The following PLCB1 variants were observed in gnomAD, a reference collection of about 807,000 sequenced individuals.
The protein encoded by PLCB1 is phospholipase C beta 1.
In PLCB1, 46 loss-of-function variants were observed where a neutral mutation model predicts 161.8. The ratio of observed to expected loss-of-function variants is 0.28; its 90% CI spans 0.22 to 0.36. The LOEUF (loss-of-function observed/expected upper bound fraction) is 0.36. PLCB1 is among the 10% of genes least tolerant of loss of function. PLCB1 has a pLI of 1.00. For synonymous variants in PLCB1, 517 were observed against 503.7 expected (o/e 1.03, Z -0.35); for missense variants, 1,016 against 1,472.5 (o/e 0.69, Z 5.07).
intron 3 of PLCB1, among the ~76,000 whole-genome samples, chr20:8,476,766 TG>T (rs1388553367): frequency 1.3e-5 from 2 of 152,184 alleles, no homozygotes; most frequent in Non-Finnish European, 2.9e-5. Flanking sequence ...AGACGGGCCT[TG>T]GAATATCTTA....
At chr20:8,182,736 A>G (rs2051858161) in intron 2 of PLCB1, among the ~76,000 whole-genome samples, 1 of 151,846 alleles carries the variant, frequency 6.6e-6, no homozygotes, top group Non-Finnish European at 1.5e-5. Context: ...GCCCGCAACC[A>G]TGCCCGGCTA....
At chr20:8,198,510 A>G (rs775212989) in intron 2 of PLCB1, among the ~76,000 whole-genome samples, 1 of 152,132 alleles carries the variant, frequency 6.6e-6, no homozygotes, top group Non-Finnish European at 1.5e-5. Flanking sequence ...AATCTTACCT[A>G]GTATCTTCTT....
intron 9 of PLCB1, among the ~76,000 whole-genome samples, chr20:8,668,631 CA>C (rs1007439944): frequency 6.6e-5 from 10 of 152,054 alleles, no homozygotes; most frequent in Admixed American, 2.0e-4. Context: ...AAGCAGCTTA[CA>C]AAAAAATGTG....
rs570371392 is a variant in PLCB1 at position 8,635,240 on chromosome 20, C to A, written c.384+6809C>A. Among the ~76,000 whole-genome samples the A allele has an allele frequency of 2.0e-5, 3 of 149,194 alleles. 1 individual carries two copies. Among genetic ancestry groups the A allele is most frequent in the African/African-American group, 7.5e-5 (3 of 40,224 alleles). ...AGCTTAGTGCTTGGCTCAATAAATG[C>A]GAGAGGTGTGAGAGAGGAAAGGAAG... is the stretch of plus-strand genomic sequence containing the variant. On this transcript the variant is annotated intron_variant, in intron 4 of 31. Coordinates refer to ENST00000338037, the MANE Select transcript of PLCB1 (RefSeq NM_015192.4).
At chr20:8,502,095 A>G (rs1449096221) in intron 3 of PLCB1, among the ~76,000 whole-genome samples, 1 of 151,748 alleles carries the variant, frequency 6.6e-6, no homozygotes, top group Non-Finnish European at 1.5e-5. Context: ...TTTATTACTA[A>G]GATTATTTAC....
intron 3 of PLCB1, among the ~76,000 whole-genome samples, chr20:8,554,829 C>T (rs1024085753): frequency 6.6e-6 from 1 of 152,122 alleles, no homozygotes; most frequent in African/African-American, 2.4e-5. Context: ...TCACCTGTTG[C>T]TGTTCTACGT....
intron 2 of PLCB1, among the ~76,000 whole-genome samples, chr20:8,157,170 C>T (rs968485241): frequency 6.6e-6 from 1 of 152,162 alleles, no homozygotes; most frequent in African/African-American, 2.4e-5. Flanking sequence ...AAGACTTTCC[C>T]TCTGGGGATA....
At position 8,587,424 on chromosome 20, in the gene PLCB1, C is replaced by T. The variant is rs556532366; in HGVS notation, c.247-40870C>T. The stretch of plus-strand genomic sequence containing the variant: ...TTCTTTATGTAATATCATAATGACC[C>T]AAGCTAGGGGGATTCCAACAATGAT... On this transcript the variant is annotated intron_variant, in intron 3 of 31. Transcript: ENST00000338037. Among the ~76,000 whole-genome samples, 214 of 152,144 alleles carry T rather than the reference C, an allele frequency of 1.4e-3. 1 individual carries two copies. Among genetic ancestry groups the T allele is most frequent in the Non-Finnish European group, 2.5e-3 (173 of 67,990 alleles).
At chr20:8,197,625 T>C (rs1359864080) in intron 2 of PLCB1, among the ~76,000 whole-genome samples, 1 of 152,172 alleles carries the variant, frequency 6.6e-6, no homozygotes, top group Non-Finnish European at 1.5e-5. Flanking sequence ...TTCACTCTGA[T>C]AGTAGTTTCT....
chr20:8,304,909 GTCC>G (rs1229412130), intron 2 of PLCB1, among the ~76,000 whole-genome samples: 2 of 152,138 alleles, frequency 1.3e-5, no homozygotes, highest in Non-Finnish European at 2.9e-5. Context: ...AGTTTCTCAT[GTCC>G]TCATTTGTCT....
intron 3 of PLCB1, among the ~76,000 whole-genome samples, chr20:8,505,831 A>G (rs917033990): frequency 2.6e-4 from 40 of 152,188 alleles, no homozygotes; most frequent in African/African-American, 8.0e-4. Flanking sequence ...TAAGAGAGTG[A>G]ATGGGGTAAC....
chr20:8,451,056 G>A (rs2122646298), intron 3 of PLCB1, among the ~76,000 whole-genome samples: 1 of 152,264 alleles, frequency 6.6e-6, no homozygotes, highest in Non-Finnish European at 1.5e-5. Context: ...AACAGTAGTG[G>A]GGTGAATGCT....
intron 3 of PLCB1, among the ~76,000 whole-genome samples, chr20:8,512,217 C>T (rs971306254): frequency 3.3e-5 from 5 of 152,218 alleles, no homozygotes; most frequent in East Asian, 1.9e-4. Context: ...ACTTTTAGTA[C>T]GTTCTGATTC....
At chr20:8,160,682 G>A (rs750242469) in intron 2 of PLCB1, among the ~76,000 whole-genome samples, 6 of 152,090 alleles carry the variant, frequency 3.9e-5, no homozygotes, top group Non-Finnish European at 7.4e-5. Flanking sequence ...CCTACAACAC[G>A]GGGGAATTCA....
At chr20:8,543,620 C>CAAAAAAAAAA (rs60587265) in intron 3 of PLCB1, among the ~76,000 whole-genome samples, 2 of 129,568 alleles carry the variant, frequency 1.5e-5, no homozygotes, top group African/African-American at 2.9e-5. Context: ...CAAAGAGTTC[C>CAAAAAAAAAA]AAAAAAAAAA....
chr20:8,757,772 G>A, intron 24 of PLCB1, among the ~76,000 whole-genome samples: 1 of 152,026 alleles, frequency 6.6e-6, no homozygotes, highest in Admixed American at 6.6e-5. Flanking sequence ...CCTTAGGCCT[G>A]ATGCAGTTCC....
intron 22 of PLCB1, among the ~76,000 whole-genome samples, chr20:8,741,229 G>A (rs561441039): frequency 6.6e-6 from 1 of 152,286 alleles, no homozygotes; most frequent in South Asian, 2.1e-4. Flanking sequence ...TTTCAACAGA[G>A]TCCTAACCCT....
intron 9 of PLCB1, among the ~76,000 whole-genome samples, chr20:8,663,055 T>G (rs1443926209): frequency 1.3e-5 from 2 of 152,062 alleles, no homozygotes; most frequent in African/African-American, 4.8e-5. Context: ...TTGGTGTTGA[T>G]CTCAGTGCTG....
At position 8,375,823 on chromosome 20, in the gene PLCB1, C is replaced by T. The variant is rs16994726; in HGVS notation, c.246+4373C>T. On this transcript the variant is annotated intron_variant, in intron 3 of 31. Transcript: ENST00000338037. ...AAGTTCCGTTAGCCCTTGATTCCAG[C>T]TTTTAAATTGAGAAGTTAAACACCC... is the stretch of plus-strand genomic sequence containing the variant. 2.2e-3 allele frequency among the ~76,000 whole-genome samples: 330 copies of T among 151,296 alleles called. 1 individual carries two copies. Among genetic ancestry groups the T allele is most frequent in the African/African-American group, 7.5e-3 (309 of 41,228 alleles).
Sources: gnomAD v4.1 joint callset for allele counts (sites outside exome capture counted in the v4.1 genomes callset) on GRCh38, gnomAD v4.1.1 for gene constraint, MANE v1.5 for transcripts, NCBI Gene and HGNC (gene_info 2026-07-23, HGNC 2026-07-21) for gene names.